KHDC3L: variants seen among roughly 807,000 people sequenced by gnomAD.
KHDC3L encodes KH domain-containing protein 3.
Under a neutral mutation model 11.4 loss-of-function variants are expected in KHDC3L, and 6 were observed. The ratio of observed to expected loss-of-function variants is 0.52; its 90% CI spans 0.29 to 1.03. The LOEUF (loss-of-function observed/expected upper bound fraction) is 1.03, where lower values mean the gene tolerates loss of function less well. Ranked by LOEUF, KHDC3L falls within the 50% of genes least tolerant of loss-of-function variation. The probability of loss-of-function intolerance (pLI) is 0.09; values close to 1 mark genes in which losing one functional copy is unlikely to be tolerated. For synonymous variants in KHDC3L, 127 were observed against 120.9 expected (o/e 1.05, Z -0.33); for missense variants, 293 against 290.4 (o/e 1.01, Z -0.07).
rs954877750 is a variant in KHDC3L, at chr6:73,362,666, C to T, written c.-64C>T. 1.9e-6 allele frequency: 3 copies of T among 1,564,612 alleles called. No individual in the cohort carries two copies. The highest frequency in any genetic ancestry group is 2.6e-6 in the Non-Finnish European group (3 of 1,143,808). ...CAGGCAGAACCGCGGTTCTAGTCTC[C>T]CAGCTCCAGCTCGGCCTTTGGGTTT... is the stretch of plus-strand genomic sequence containing the variant. On this transcript the variant is annotated 5_prime_UTR_variant, in exon 1 of 3. Coordinates refer to ENST00000370367, the MANE Select transcript of KHDC3L (RefSeq NM_001017361.3).
In KHDC3L at chr6:73,363,141, C is replaced by A. The variant is rs1416385691; in HGVS notation, c.216C>A (p.Ile72=). 2.5e-6 allele frequency: 4 copies of A among 1,614,184 alleles called. No individual in the cohort carries two copies. In the East Asian group the frequency reaches 6.7e-5, roughly 27 times the overall value. ...CGCACGTCCAGGGTATGTCCCAAAT[C>A]TTGATTCACGTGAATCGATTGGACC... ...RIPHVQGMSQ[I]LIHVNRLDPN... is the part of the protein sequence containing the mutation. The change falls in exon 2 of 3, where the codon ATC becomes ATA. Residue 72 remains isoleucine (I), a synonymous_variant. Transcript: ENST00000370367.
Position 73,362,764 on chromosome 6 carries a change from A to T in KHDC3L, c.35A>T (p.Gln12Leu). The change falls in exon 1 of 3, where the codon CAA becomes CTA. Residue 12 changes from glutamine (Q) to leucine (L), a missense_variant. Physicochemically the swap from Gln to Leu is moderately radical, Grantham distance 113. Transcript: ENST00000370367. Reference sequence around the variant, plus strand: ...CCCAGGCGGTTTCCGACGCTCGTGCAACTGATGCAGCCAAAAGCAATGCCA... The same window carrying T: ...CCCAGGCGGTTTCCGACGCTCGTGCTACTGATGCAGCCAAAAGCAATGCCA... The part of the protein sequence containing the change: ...DAPRRFPTLV[Q>L]LMQPKAMPVE... The T allele has an allele frequency of 6.2e-7, 1 of 1,614,208 alleles. No individual in the cohort carries two copies. The highest frequency in any genetic ancestry group is 1.1e-5 in the South Asian group (1 of 91,082).
rs778586031 is a variant in KHDC3L at position 73,363,880 on chromosome 6, G to A, written c.*20G>A. 2.5e-5 allele frequency: 40 copies of A among 1,603,660 alleles called. No individual in the cohort carries two copies. The highest frequency in any genetic ancestry group is 3.2e-5 in the Non-Finnish European group (38 of 1,179,328). Reference sequence around the variant, plus strand: ...TTATGAAGGCATCTCAGGCCCTGGAGCCAGAGCCAGTCAGGGGTTAAAGTG... The same window carrying A: ...TTATGAAGGCATCTCAGGCCCTGGAACCAGAGCCAGTCAGGGGTTAAAGTG... On this transcript the variant is annotated 3_prime_UTR_variant, in exon 3 of 3. Coordinates refer to ENST00000370367, the MANE Select transcript of KHDC3L (RefSeq NM_001017361.3).
At position 73,363,972 on chromosome 6, in the gene KHDC3L, CTGT is replaced by C; in HGVS notation, c.*115_*117del. 2 of 1,163,534 alleles carry C rather than the reference CTGT, an allele frequency of 1.7e-6. No homozygotes were observed. The highest frequency in any genetic ancestry group is 2.5e-6 in the Non-Finnish European group (2 of 805,878). 72.1% of individuals were successfully genotyped at this position (1,163,534 alleles called of 1,614,324 possible). On this transcript the variant is annotated 3_prime_UTR_variant, in exon 3 of 3. Coordinates refer to ENST00000370367, the MANE Select transcript of KHDC3L (RefSeq NM_001017361.3). ...ATGTGGATTTTTTGTTTTACCCTTT[CTGT>C]TGCATGGTTGCAAACACAAACTTGA...
In KHDC3L at chr6:73,363,936, T is replaced by G; in HGVS notation, c.*76T>G. The G allele has an allele frequency of 6.8e-7, 1 of 1,481,318 alleles. No homozygotes were observed. The highest frequency in any genetic ancestry group is 9.3e-7 in the Non-Finnish European group (1 of 1,077,382). 91.8% of individuals were successfully genotyped at this position (1,481,318 alleles called of 1,614,324 possible). On this transcript the variant is annotated 3_prime_UTR_variant, in exon 3 of 3. Transcript: ENST00000370367. ...CCGTATTTCCGCCCAGAAGCTGGGG[T>G]TGGGGAGAGGATGTGGATTTTTTGT...
In KHDC3L at chr6:73,362,837, T is replaced by C; in HGVS notation, c.108T>C (p.Ser36=). The C allele has an allele frequency of 6.2e-7, 1 of 1,614,226 alleles. No individual in the cohort carries two copies. Among genetic ancestry groups the C allele is most frequent in the Non-Finnish European group, 8.5e-7 (1 of 1,180,026 alleles). The stretch of plus-strand genomic sequence containing the variant: ...CTAAGCGGTTCTCCTGGTTCCACTC[T>C]GAGTTCCTGAAGAATCCGAAGGTAG... ...HLPKRFSWFH[S]EFLKNPKVVR... is the part of the protein sequence containing the mutation. The change falls in exon 1 of 3, where the codon TCT becomes TCC. Residue 36 remains serine, a synonymous_variant. Transcript: ENST00000370367.
rs1562274427 is a variant in KHDC3L, at chr6:73,362,713, G to A, written c.-17G>A. 1 of 1,613,548 alleles carries A rather than the reference G, an allele frequency of 6.2e-7. No individual in the cohort carries two copies. The highest frequency in any genetic ancestry group is 8.5e-7 in the Non-Finnish European group (1 of 1,179,938). The stretch of plus-strand genomic sequence containing the variant: ...GTTTGCTGTGGTGTCCTTGTCTCCT[G>A]CAGGACCGGCCGCAGCATGGACGCT... On this transcript the variant is annotated 5_prime_UTR_variant, in exon 1 of 3. Transcript: ENST00000370367.
chr6:73,363,658 T>TCCGGGAGG lies in KHDC3L; in HGVS notation c.459_466dup (p.Thr156ArgfsTer50). On this transcript the variant is annotated frameshift_variant, in exon 3 of 3. Transcript: ENST00000370367. LOFTEE classifies it low-confidence loss of function (END_TRUNC). Reference sequence around the variant, plus strand: ...GCCGGGACGCAGCGTTCGGTGGAGGTCCGGGAGGCCGGGACCCAGCGTTCG... The same window carrying TCCGGGAGG: ...GCCGGGACGCAGCGTTCGGTGGAGGTCCGGGAGGCCGGGAGGCCGGGACCCAGCGTTCG... 6.2e-7 allele frequency: 1 copy of TCCGGGAGG among 1,612,758 alleles called. No homozygotes were observed. Among genetic ancestry groups the TCCGGGAGG allele is most frequent in the Non-Finnish European group, 8.5e-7 (1 of 1,179,674 alleles).
rs1022599477 is a variant in KHDC3L at position 73,363,621 on chromosome 6, G to A, written c.415G>A (p.Glu139Lys). 6.2e-7 allele frequency: 1 copy of A among 1,613,684 alleles called. No homozygotes were observed. The highest frequency in any genetic ancestry group is 2.2e-5 in the East Asian group (1 of 44,878). The part of the protein sequence containing the change: ...QKAETQRSSI[E>K]VREAGTQRSV... Reference sequence around the variant, plus strand: ...GGCCGAGACCCAGCGGTCTTCAATAGAAGTCCGGGAGGCCGGGACGCAGCG... The same window carrying A: ...GGCCGAGACCCAGCGGTCTTCAATAAAAGTCCGGGAGGCCGGGACGCAGCG... The change falls in exon 3 of 3, where the codon GAA becomes AAA. Residue 139 changes from glutamate to lysine, a missense_variant. Coordinates refer to ENST00000370367, the MANE Select transcript of KHDC3L (RefSeq NM_001017361.3).
chr6:73,363,525 C>T (rs1410420828), intron 2 of KHDC3L, 31 bp from the exon 3 acceptor site: 5 of 1,597,002 alleles, frequency 3.1e-6, no homozygotes, highest in African/African-American at 2.7e-5. Context: ...AGAGACACAG[C>T]TGTGGCCTCT....
rs933529284 is a variant in KHDC3L, at chr6:73,363,572, C to T, written c.366C>T (p.Leu122=). The change falls in exon 3 of 3, where the codon CTC becomes CTT. Residue 122 remains leucine (L), a synonymous_variant. Coordinates refer to ENST00000370367, the MANE Select transcript of KHDC3L (RefSeq NM_001017361.3). ...QLQAKGSGKA[L]AQDVATQKAE... is the part of the protein sequence containing the mutation. Reference sequence around the variant, plus strand: ...TTCTTCCAGGCTCAGGAAAGGCCCTCGCCCAGGATGTCGCCACTCAGAAGG... The same window carrying T: ...TTCTTCCAGGCTCAGGAAAGGCCCTTGCCCAGGATGTCGCCACTCAGAAGG... The T allele has an allele frequency of 1.9e-6, 3 of 1,609,900 alleles. No homozygotes were observed. The highest frequency in any genetic ancestry group is 1.3e-5 in the African/African-American group (1 of 74,900).
chr6:73,362,925 C>G (rs749778733), intron 1 of KHDC3L, 27 bp downstream of exon 1: 1 of 1,614,022 alleles, frequency 6.2e-7, no homozygotes. Flanking sequence ...GGGGCAGCCC[C>G]CATGCGGCTT....
Position 73,362,700 on chromosome 6 carries a change from G to T in KHDC3L, c.-30G>T. On this transcript the variant is annotated 5_prime_UTR_variant, in exon 1 of 3. Transcript: ENST00000370367. ...GCTCGGCCTTTGGGTTTGCTGTGGT[G>T]TCCTTGTCTCCTGCAGGACCGGCCG... The T allele has an allele frequency of 6.2e-7, 1 of 1,612,904 alleles. No homozygotes were observed.
chr6:73,363,040 TCCCAAGACC>T, intron 1 of KHDC3L, 46 bp from the exon 2 acceptor site: 1 of 1,610,630 alleles, frequency 6.2e-7, no homozygotes. Context: ...CACCTTCCCC[TCCCAAGACC>T]CCCGGGAGCC....
In KHDC3L at chr6:73,363,155, A is replaced by C. The variant is rs371170722; in HGVS notation, c.230A>C (p.Asn77Thr). The change falls in exon 2 of 3, where the codon AAT becomes ACT. Residue 77 changes from asparagine to threonine, a missense_variant. By Grantham distance (65) the Asn-to-Thr change is moderately conservative. Coordinates refer to ENST00000370367, the MANE Select transcript of KHDC3L (RefSeq NM_001017361.3). ...ATGTCCCAAATCTTGATTCACGTGAATCGATTGGACCCTAACGGCGAGGCT... is the reference window on the plus strand; with the variant it reads ...ATGTCCCAAATCTTGATTCACGTGACTCGATTGGACCCTAACGGCGAGGCT... Reference protein sequence around the residue: ...QGMSQILIHVNRLDPNGEAEI... With the variant: ...QGMSQILIHVTRLDPNGEAEI... The C allele has an allele frequency of 3.7e-6, 6 of 1,613,964 alleles. No individual in the cohort carries two copies. The African/African-American group carries it at 8.0e-5, about 22-fold the overall frequency.
Position 73,362,693 on chromosome 6 carries a change from C to T in KHDC3L, c.-37C>T. The T allele has an allele frequency of 1.2e-6, 2 of 1,611,228 alleles. No homozygotes were observed. Among genetic ancestry groups the T allele is most frequent in the Non-Finnish European group, 1.7e-6 (2 of 1,178,502 alleles). On this transcript the variant is annotated 5_prime_UTR_variant, in exon 1 of 3. Transcript: ENST00000370367. ...AGCTCCAGCTCGGCCTTTGGGTTTGCTGTGGTGTCCTTGTCTCCTGCAGGA... is the reference window on the plus strand; with the variant it reads ...AGCTCCAGCTCGGCCTTTGGGTTTGTTGTGGTGTCCTTGTCTCCTGCAGGA...
chr6:73,364,162 T>C lies in KHDC3L; in HGVS notation c.*302T>C, dbSNP rs2295761. ...CACAAACTTGAGTTCTAATAAATAA[T>C]TGCATTTCCCTAACGTCTGTATTTT... On this transcript the variant is annotated 3_prime_UTR_variant, in exon 3 of 3. Transcript: ENST00000370367. 0.095 allele frequency: 44,509 copies of C among 467,320 alleles called. 2,519 individuals are homozygous for C. The highest frequency in any genetic ancestry group is 0.15 in the South Asian group (6,977 of 47,466). The allele number at this position is 467,320 out of a possible 1,614,324, so 28.9% of individuals were successfully genotyped here.
Position 73,362,680 on chromosome 6 carries a change from G to A in KHDC3L, c.-50G>A. On this transcript the variant is annotated 5_prime_UTR_variant, in exon 1 of 3. Coordinates refer to ENST00000370367, the MANE Select transcript of KHDC3L (RefSeq NM_001017361.3). ...GTTCTAGTCTCCCAGCTCCAGCTCGGCCTTTGGGTTTGCTGTGGTGTCCTT... is the reference window on the plus strand; with the variant it reads ...GTTCTAGTCTCCCAGCTCCAGCTCGACCTTTGGGTTTGCTGTGGTGTCCTT... 1 of 1,602,796 alleles carries A rather than the reference G, an allele frequency of 6.2e-7. No homozygotes were observed. The highest frequency in any genetic ancestry group is 8.5e-7 in the Non-Finnish European group (1 of 1,172,766).
intron 2 of KHDC3L, 50 bp downstream of exon 2, chr6:73,363,324 A>C: frequency 6.2e-7 from 1 of 1,602,274 alleles, no homozygotes; most frequent in South Asian, 1.1e-5. Context: ...GCTCCGTAGG[A>C]GTGATCCTGG....
Sources: allele counts gnomAD v4.1 joint callset, GRCh38; gene constraint gnomAD v4.1.1; transcripts MANE v1.5; gene names NCBI Gene and HGNC (gene_info 2026-07-23, HGNC 2026-07-21).